Variants in PCDHA8 observed in about 807,000 individuals in gnomAD.
PCDHA8 encodes protocadherin alpha-8.
Under a neutral mutation model 61.8 loss-of-function variants are expected in PCDHA8, and 53 were observed. The observed-to-expected ratio is 0.86, with a 90% CI of 0.69 to 1.08. The LOEUF is 1.08. PCDHA8 is among the 50% of genes least tolerant of loss of function. PCDHA8 has a pLI of 0.00. For missense variants in PCDHA8, 1,293 were observed against 1,245.0 expected (o/e 1.04, Z -0.58); for synonymous variants, 618 against 556.6 (o/e 1.11, Z -1.55).
At chr5:140,900,546 G>A (rs1430203463) in intron 1 of PCDHA8, among the ~76,000 whole-genome samples, 3 of 152,162 alleles carry the variant, frequency 2.0e-5, no homozygotes, top group East Asian at 1.9e-4. Context: ...CAAAGTGCTG[G>A]GATTACAGGC....
chr5:141,007,174 G>T (rs926344346), intron 3 of PCDHA8, among the ~76,000 whole-genome samples: 9 of 152,118 alleles, frequency 5.9e-5, no homozygotes, highest in African/African-American at 2.2e-4. Context: ...AGAGAGAAAG[G>T]TCAGGAGAAT....
At chr5:141,003,039 T>C (rs2098108520) in intron 3 of PCDHA8, among the ~76,000 whole-genome samples, 1 of 152,216 alleles carries the variant, frequency 6.6e-6, no homozygotes, top group Admixed American at 6.5e-5. Flanking sequence ...AAAGCCCTCC[T>C]GGCCTTAACA....
chr5:140,863,279 T>C, intron 1 of PCDHA8: 1 of 1,461,288 alleles, frequency 6.8e-7, no homozygotes, highest in East Asian at 3.4e-5. Context: ...CTGGTGGATG[T>C]CAACGTGTAC....
rs185929013 is a variant in PCDHA8 at position 140,956,196 on chromosome 5, T to G, written c.2395-22753T>G. 2.6e-5 allele frequency among the ~76,000 whole-genome samples: 4 copies of G among 152,188 alleles called. No homozygotes were observed. In the East Asian group the frequency reaches 7.7e-4, roughly 29 times the overall value. On this transcript the variant is annotated intron_variant, in intron 1 of 3. Coordinates refer to ENST00000531613, the MANE Select transcript of PCDHA8 (RefSeq NM_018911.3). The stretch of plus-strand genomic sequence containing the variant: ...CTTCCAATACTATGCTGAATAGGAG[T>G]GGTGAAAGAGGGCATCCTTGTCTTG...
chr5:140,928,158 AC>A, intron 1 of PCDHA8: 7 of 1,614,066 alleles, frequency 4.3e-6, no homozygotes, highest in Non-Finnish European at 5.9e-6. Flanking sequence ...ATAGTGGCTC[AC>A]CCCCACTTAG....
intron 1 of PCDHA8, among the ~76,000 whole-genome samples, chr5:140,891,207 GCTGTGTCTTTATAATCATC>G (rs2062985050): frequency 6.6e-6 from 1 of 152,054 alleles, no homozygotes; most frequent in Non-Finnish European, 1.5e-5. Context: ...GTTTTACCAT[GCTGTGTCTTTATAATCATC>G]CTGTTCTGGA....
Position 140,981,745 on chromosome 5 carries a change from T to C in PCDHA8, c.2454-730T>C, listed in dbSNP as rs145941614. On this transcript the variant is annotated intron_variant, in intron 2 of 3. Coordinates refer to ENST00000531613, the MANE Select transcript of PCDHA8 (RefSeq NM_018911.3). ...CAAATATTTGAGAGATTAATATGAG[T>C]TAGTATTAGACATACATAAATGAAT... Among the ~76,000 whole-genome samples the C allele has an allele frequency of 1.1e-3, 160 of 152,294 alleles. 1 individual carries two copies. The East Asian group carries it at 0.027, about 25-fold the overall frequency.
intron 1 of PCDHA8, among the ~76,000 whole-genome samples, chr5:140,906,729 G>T (rs1444256364): frequency 1.3e-5 from 2 of 152,184 alleles, no homozygotes; most frequent in Admixed American, 1.3e-4. Flanking sequence ...TGCTGTTGTA[G>T]TTTCCCATTG....
intron 1 of PCDHA8, chr5:140,864,242 T>C (rs978090917): frequency 6.6e-6 from 1 of 152,208 alleles, no homozygotes; most frequent in Non-Finnish European, 1.5e-5. Flanking sequence ...TTATTCCTAT[T>C]CATTTTCTTA....
At chr5:140,953,514 AC>A (rs1209488542) in intron 1 of PCDHA8, among the ~76,000 whole-genome samples, 2 of 152,136 alleles carry the variant, frequency 1.3e-5, no homozygotes, top group Non-Finnish European at 2.9e-5. Flanking sequence ...GGCCAAAGCA[AC>A]AAAAACGGGA....
intron 1 of PCDHA8, among the ~76,000 whole-genome samples, chr5:140,978,710 A>G (rs576055391): frequency 1.3e-5 from 2 of 152,378 alleles, no homozygotes; most frequent in East Asian, 3.9e-4. Flanking sequence ...GGTGGCCTTT[A>G]CAAGATTATT....
intron 1 of PCDHA8, among the ~76,000 whole-genome samples, chr5:140,950,294 C>T (rs1396440202): frequency 6.6e-6 from 1 of 151,970 alleles, no homozygotes; most frequent in African/African-American, 2.4e-5. Context: ...ACCTGAAAAA[C>T]TTTACTTAGC....
chr5:140,975,623 A>G (rs2096675265), intron 1 of PCDHA8, among the ~76,000 whole-genome samples: 1 of 152,244 alleles, frequency 6.6e-6, no homozygotes, highest in Admixed American at 6.5e-5. Flanking sequence ...ATGGATTTCC[A>G]TGGTACGAAG....
At chr5:140,916,296 G>C (rs2077516868) in intron 1 of PCDHA8, among the ~76,000 whole-genome samples, 1 of 152,094 alleles carries the variant, frequency 6.6e-6, no homozygotes, top group Admixed American at 6.5e-5. Flanking sequence ...TGGCCAAACT[G>C]GTACCAAAGG....
chr5:140,941,673 A>T (rs1217189957), intron 1 of PCDHA8, among the ~76,000 whole-genome samples: 1 of 152,024 alleles, frequency 6.6e-6, no homozygotes, highest in Non-Finnish European at 1.5e-5. Context: ...TGTCAAGTTC[A>T]ATATTCTGTT....
intron 1 of PCDHA8, among the ~76,000 whole-genome samples, chr5:140,925,376 A>G (rs1010003214): frequency 2.0e-5 from 3 of 152,150 alleles, no homozygotes; most frequent in Non-Finnish European, 2.9e-5. Context: ...TCAATAGTCA[A>G]TGAGTCTCCT....
intron 2 of PCDHA8, among the ~76,000 whole-genome samples, chr5:140,982,139 A>G (rs1381844546): frequency 1.3e-5 from 2 of 152,260 alleles, no homozygotes; most frequent in Non-Finnish European, 2.9e-5. Flanking sequence ...AGCCCTCCTC[A>G]TCTGCTTCAG....
chr5:140,846,663 C>T lies in PCDHA8; in HGVS notation c.2394+2948C>T, dbSNP rs182609194. ...TGCTGGGATTACAGGCATGAGCCAC[C>T]GCGCCCAGCCTAAAATGCTTTCTTA... On this transcript the variant is annotated intron_variant, in intron 1 of 3. Transcript: ENST00000531613. 1.7e-3 allele frequency among the ~76,000 whole-genome samples: 253 copies of T among 149,206 alleles called. 23 individuals carry two copies. Among genetic ancestry groups the T allele is most frequent in the Middle Eastern group, 3.5e-3 (1 of 286 alleles).
At chr5:140,991,109 C>A (rs987847767) in intron 3 of PCDHA8, among the ~76,000 whole-genome samples, 1 of 152,156 alleles carries the variant, frequency 6.6e-6, no homozygotes, top group Non-Finnish European at 1.5e-5. Flanking sequence ...AATTAAGTGG[C>A]TTTCTTACAT....
Sources: gnomAD v4.1 joint callset for allele counts (sites outside exome capture counted in the v4.1 genomes callset) on GRCh38, gnomAD v4.1.1 for gene constraint, MANE v1.5 for transcripts, NCBI Gene and HGNC (gene_info 2026-07-23, HGNC 2026-07-21) for gene names.